Variants in TENM3 observed in about 807,000 individuals in gnomAD.
The protein encoded by TENM3 is teneurin-3.
In TENM3, 63 loss-of-function variants were observed where a neutral mutation model predicts 255.1. The observed-to-expected ratio is 0.25, with a 90% CI of 0.20 to 0.30. The LOEUF (loss-of-function observed/expected upper bound fraction) is 0.30, where lower values mean the gene tolerates loss of function less well. TENM3 is among the 10% of genes least tolerant of loss of function. The pLI is 1.00. For missense variants in TENM3, 2,929 were observed against 3,461.1 expected (o/e 0.85, Z 3.86); for synonymous variants, 1,306 against 1,322.3 (o/e 0.99, Z 0.27).
intron 3 of TENM3, among the ~76,000 whole-genome samples, chr4:182,365,839 T>C (rs1329959342): frequency 6.6e-6 from 1 of 152,198 alleles, no homozygotes; most frequent in East Asian, 1.9e-4. Flanking sequence ...TATAGCCCAC[T>C]ATATCTAGGC....
At chr4:181,852,833 A>G in the TENM3 span, among the ~76,000 whole-genome samples, 22 of 152,362 alleles carry the variant, frequency 1.4e-4, no homozygotes, top group Non-Finnish European at 1.9e-4. Flanking sequence ...GATGAGCAAC[A>G]CCTTAAAATA....
chr4:182,240,807 T>C (rs1453694880), upstream of TENM3, among the ~76,000 whole-genome samples: 3 of 152,118 alleles, frequency 2.0e-5, no homozygotes, highest in African/African-American at 7.2e-5. Flanking sequence ...GGAATGCAGC[T>C]CCAGAGGCTG....
At chr4:181,460,085 A>G in the TENM3 span, among the ~76,000 whole-genome samples, 2 of 151,918 alleles carry the variant, frequency 1.3e-5, no homozygotes, top group African/African-American at 2.4e-5. Flanking sequence ...GCTACTTTAA[A>G]TGGTATTGTA....
At chr4:182,174,533 A>AC (rs775310288) in intron 1 of TENM3, among the ~76,000 whole-genome samples, 81 of 106,458 alleles carry the variant, frequency 7.6e-4, no homozygotes, top group African/African-American at 2.5e-3. Context: ...CACACACACA[A>AC]ACACACACTT....
the TENM3 span, among the ~76,000 whole-genome samples, chr4:181,996,738 G>C: frequency 6.6e-6 from 1 of 152,170 alleles, no homozygotes; most frequent in Non-Finnish European, 1.5e-5. Context: ...TCTGATTTGG[G>C]TGTATTTTGG....
chr4:181,599,252 C>A, the TENM3 span, among the ~76,000 whole-genome samples: 1 of 152,138 alleles, frequency 6.6e-6, no homozygotes, highest in Admixed American at 6.6e-5. Context: ...ATAAGTGTAC[C>A]ATTATTCCCT....
chr4:182,071,812 G>C, the TENM3 span, among the ~76,000 whole-genome samples: 5 of 152,252 alleles, frequency 3.3e-5, no homozygotes, highest in African/African-American at 9.6e-5. Flanking sequence ...TCGAACACCA[G>C]GGATGGTTCT....
At chr4:182,500,497 T>C (rs1007698074) in intron 3 of TENM3, among the ~76,000 whole-genome samples, 3 of 152,198 alleles carry the variant, frequency 2.0e-5, no homozygotes, top group African/African-American at 7.2e-5. Context: ...AACATCACTG[T>C]CATATGCTTC....
chr4:182,709,375 A>G (rs1480180794), intron 12 of TENM3, among the ~76,000 whole-genome samples: 2 of 152,202 alleles, frequency 1.3e-5, no homozygotes, highest in East Asian at 3.9e-4. Context: ...TCAACTTCTT[A>G]GTAGATTGAA....
chr4:182,131,771 A>G, the TENM3 span, among the ~76,000 whole-genome samples: 2 of 152,216 alleles, frequency 1.3e-5, no homozygotes, highest in African/African-American at 4.8e-5. Flanking sequence ...AGACAGGTTC[A>G]TTATTGTTTT....
chr4:182,083,813 T>G, the TENM3 span, among the ~76,000 whole-genome samples: 2 of 152,168 alleles, frequency 1.3e-5, no homozygotes, highest in East Asian at 3.9e-4. Context: ...CTTAAGCTTT[T>G]TGAGAAGAGT....
chr4:182,361,210 T>C (rs1765951390), intron 3 of TENM3, among the ~76,000 whole-genome samples: 1 of 152,152 alleles, frequency 6.6e-6, no homozygotes, highest in African/African-American at 2.4e-5. Context: ...TTGGAGTTGC[T>C]CTTCTCGAGG....
At chr4:182,579,850 A>G (rs1200621539) in intron 3 of TENM3, among the ~76,000 whole-genome samples, 2 of 152,214 alleles carry the variant, frequency 1.3e-5, no homozygotes, top group Non-Finnish European at 2.9e-5. Flanking sequence ...TCATACTAGT[A>G]TAATTGTGCT....
chr4:181,598,583 C>T, the TENM3 span, among the ~76,000 whole-genome samples: 9 of 151,714 alleles, frequency 5.9e-5, no homozygotes, highest in Non-Finnish European at 8.8e-5. Context: ...AGGTAAACAT[C>T]TGAAACTGAG....
intron 6 of TENM3, among the ~76,000 whole-genome samples, chr4:182,669,238 A>G (rs1754987109): frequency 6.6e-6 from 1 of 151,906 alleles, no homozygotes; most frequent in Non-Finnish European, 1.5e-5. Flanking sequence ...TAACATAAAG[A>G]GTATTATATT....
the TENM3 span, among the ~76,000 whole-genome samples, chr4:181,648,106 C>A: frequency 2.0e-5 from 3 of 152,070 alleles, no homozygotes; most frequent in African/African-American, 7.2e-5. Context: ...GGGGGACTTG[C>A]GTCTTCTGGA....
At chr4:181,578,190 T>C in the TENM3 span, among the ~76,000 whole-genome samples, 1 of 151,996 alleles carries the variant, frequency 6.6e-6, no homozygotes, top group African/African-American at 2.4e-5. Context: ...AAAGAAAGCC[T>C]TTCTCTGGGG....
intron 2 of TENM3, among the ~76,000 whole-genome samples, chr4:182,338,142 T>C (rs1484429567): frequency 6.6e-6 from 1 of 152,178 alleles, no homozygotes; most frequent in Non-Finnish European, 1.5e-5. Flanking sequence ...AAAATCAGCA[T>C]GTTCAAACAA....
the TENM3 span, among the ~76,000 whole-genome samples, chr4:182,065,272 T>A: frequency 6.6e-6 from 1 of 152,140 alleles, no homozygotes; most frequent in African/African-American, 2.4e-5. Flanking sequence ...TGACCTCAAG[T>A]GATCTGCCCA....
Sources: gnomAD v4.1 joint callset for allele counts (sites outside exome capture counted in the v4.1 genomes callset) on GRCh38, gnomAD v4.1.1 for gene constraint, MANE v1.5 for transcripts, NCBI Gene and HGNC (gene_info 2026-07-23, HGNC 2026-07-21) for gene names.